The following SLC22A23 variants were observed in gnomAD, a reference collection of about 807,000 sequenced individuals.
SLC22A23 encodes solute carrier family 22 member 23, also known as ion transporter protein.
SLC22A23 carries 26 observed loss-of-function variants against 61.0 expected under a neutral mutation model. The observed-to-expected ratio is 0.43, with a 90% CI of 0.31 to 0.59. The LOEUF is 0.59. Ranked by LOEUF, SLC22A23 falls within the 20% of genes least tolerant of loss-of-function variation. The pLI is 0.11. For synonymous variants in SLC22A23, 430 were observed against 413.9 expected (o/e 1.04, Z -0.47); for missense variants, 796 against 934.7 (o/e 0.85, Z 1.94).
intron 1 of SLC22A23, among the ~76,000 whole-genome samples, chr6:3,418,650 G>A (rs568454452): frequency 5.9e-5 from 9 of 152,314 alleles, no homozygotes; most frequent in Middle Eastern, 3.4e-3. Flanking sequence ...TGGGGAGGGG[G>A]TGCAGGAAAC....
chr6:3,415,950 C>A (rs1769667792), intron 1 of SLC22A23, 95 bp from the exon 2 acceptor site: 1 of 856,076 alleles, frequency 1.2e-6, no homozygotes, highest in Admixed American at 2.2e-5. Flanking sequence ...CTGCAGGGAC[C>A]ACCGCACCGT....
At chr6:3,355,647 A>G (rs1765025505) in intron 3 of SLC22A23, among the ~76,000 whole-genome samples, 1 of 152,076 alleles carries the variant, frequency 6.6e-6, no homozygotes, top group South Asian at 2.1e-4. Flanking sequence ...CCCCACTCCC[A>G]GGCTCCAGAG....
chr6:3,358,426 G>C (rs766456288), intron 3 of SLC22A23, among the ~76,000 whole-genome samples: 7 of 152,152 alleles, frequency 4.6e-5, no homozygotes, highest in Admixed American at 1.3e-4. Flanking sequence ...CGTACGACAC[G>C]TGGATGAACT....
chr6:3,394,561 T>C (rs1401029824), intron 3 of SLC22A23, among the ~76,000 whole-genome samples: 1 of 152,240 alleles, frequency 6.6e-6, no homozygotes, highest in Non-Finnish European at 1.5e-5. Context: ...AGGTTGAATT[T>C]GTGAAACTGC....
intron 3 of SLC22A23, among the ~76,000 whole-genome samples, chr6:3,355,361 G>A (rs9405194): frequency 0.39 from 58,508 of 151,746 alleles, 12,733 homozygotes; most frequent in African/African-American, 0.59. Context: ...CTTAAAAGAC[G>A]GGAGGAAGAC....
chr6:3,451,101 G>A (rs978989238), intron 1 of SLC22A23, among the ~76,000 whole-genome samples: 18 of 152,224 alleles, frequency 1.2e-4, no homozygotes, highest in Admixed American at 2.0e-4. Flanking sequence ...AGTTCAGCTG[G>A]CATTGATTAT....
chr6:3,354,202 G>A (rs1234523786), intron 3 of SLC22A23, among the ~76,000 whole-genome samples: 3 of 152,206 alleles, frequency 2.0e-5, no homozygotes, highest in Non-Finnish European at 2.9e-5. Flanking sequence ...CAAACACATA[G>A]CATGGTGCAC....
intron 3 of SLC22A23, among the ~76,000 whole-genome samples, chr6:3,364,728 C>T (rs532105927): frequency 1.2e-4 from 18 of 152,270 alleles, no homozygotes; most frequent in Admixed American, 3.3e-4. Flanking sequence ...ACAGGAGAAG[C>T]GCAGCATGGA....
At chr6:3,370,463 C>G (rs770911956) in intron 3 of SLC22A23, among the ~76,000 whole-genome samples, 2 of 152,274 alleles carry the variant, frequency 1.3e-5, no homozygotes, top group South Asian at 4.1e-4. Flanking sequence ...GCACTGGAGA[C>G]GAAGCCTCCA....
At chr6:3,446,976 G>A (rs9502007) in intron 1 of SLC22A23, among the ~76,000 whole-genome samples, 102,782 of 151,958 alleles carry the variant, frequency 0.68, 34,968 homozygotes, top group South Asian at 0.77. Flanking sequence ...TTTCTCCTGT[G>A]CACTCAGCAC....
At chr6:3,365,600 G>A (rs916966039) in intron 3 of SLC22A23, among the ~76,000 whole-genome samples, 14 of 152,060 alleles carry the variant, frequency 9.2e-5, no homozygotes, top group Admixed American at 7.2e-4. Context: ...TAGTGTTTCT[G>A]GCAAAGAGCT....
Position 3,308,375 on chromosome 6 carries a change from G to T in SLC22A23, c.1083-10157C>A, listed in dbSNP as rs12110748. On this transcript the variant is annotated intron_variant, in intron 4 of 9. Coordinates refer to ENST00000406686, the MANE Select transcript of SLC22A23 (RefSeq NM_015482.2). This position sits in a 1 kb window ranked among gnomAD's most constrained non-coding sequence, Gnocchi z 5.1. The stretch of plus-strand genomic sequence containing the variant: ...ACACGCACCTGCATCTCCAGGTGCC[G>T]CCTCTGCTATGACACACTGCCCCCA... 0.015 allele frequency among the ~76,000 whole-genome samples: 2,227 copies of T among 152,146 alleles called. 50 individuals carry two copies. Among genetic ancestry groups the T allele is most frequent in the African/African-American group, 0.051 (2,115 of 41,494 alleles).
Position 3,456,173 on chromosome 6 carries a change from G to A in SLC22A23, c.387C>T (p.Arg129=). The A allele has an allele frequency of 1.3e-6, 2 of 1,551,284 alleles. No individual in the cohort carries two copies. Among genetic ancestry groups the A allele is most frequent in the Non-Finnish European group, 1.7e-6 (2 of 1,146,856 alleles). ...CCAGCTCGGTGCCTTTGCCGGCCCC[G>A]CGGCACCAGAAGTTGGGCTGGTCCA... ...FLLDQPNFWC[R]GAGKGTELAG... The change falls in exon 1 of 10, where the codon CGC becomes CGT. Residue 129 remains arginine (R), a synonymous_variant. Transcript: ENST00000406686. The surrounding 1 kb of genome is among the most constrained non-coding windows in gnomAD (Gnocchi z 7.1).
chr6:3,356,879 C>T (rs1765136435), intron 3 of SLC22A23, among the ~76,000 whole-genome samples: 1 of 151,922 alleles, frequency 6.6e-6, no homozygotes, highest in Non-Finnish European at 1.5e-5. Context: ...GGAAATGGCC[C>T]CTTCAAAGGT....
Position 3,318,792 on chromosome 6 carries a change from C to T in SLC22A23, c.1082+5042G>A, listed in dbSNP as rs1037685646. Among the ~76,000 whole-genome samples, 44 of 152,208 alleles carry T rather than the reference C, an allele frequency of 2.9e-4. No homozygotes were observed. Among genetic ancestry groups the T allele is most frequent in the South Asian group, 6.2e-4 (3 of 4,832 alleles). On this transcript the variant is annotated intron_variant, in intron 4 of 9. Coordinates refer to ENST00000406686, the MANE Select transcript of SLC22A23 (RefSeq NM_015482.2). This position sits in a 1 kb window ranked among gnomAD's most constrained non-coding sequence, Gnocchi z 4.3. Reference sequence around the variant, plus strand: ...ACAGTAGGATAGCAGGACAGGACTTCAGCCTCCAGCCCTCCTGAGCTTCCA... The same window carrying T: ...ACAGTAGGATAGCAGGACAGGACTTTAGCCTCCAGCCCTCCTGAGCTTCCA...
intron 3 of SLC22A23, among the ~76,000 whole-genome samples, chr6:3,348,613 C>G (rs1764582903): frequency 6.6e-6 from 1 of 152,196 alleles, no homozygotes; most frequent in Admixed American, 6.5e-5. Context: ...CCACCACATT[C>G]CCGGCACGGA....
At chr6:3,453,035 T>G (rs1000991459) in intron 1 of SLC22A23, among the ~76,000 whole-genome samples, 1 of 152,174 alleles carries the variant, frequency 6.6e-6, no homozygotes, top group African/African-American at 2.4e-5. Flanking sequence ...TAGGTTGCAG[T>G]AGGGGAAGGA....
At chr6:3,392,426 T>C (rs1292077157) in intron 3 of SLC22A23, among the ~76,000 whole-genome samples, 1 of 152,234 alleles carries the variant, frequency 6.6e-6, no homozygotes, top group African/African-American at 2.4e-5. Context: ...GCTAACTATA[T>C]AGACAGATCG....
At chr6:3,396,833 T>C (rs762363966) in intron 3 of SLC22A23, among the ~76,000 whole-genome samples, 38 of 152,148 alleles carry the variant, frequency 2.5e-4, no homozygotes, top group Non-Finnish European at 4.7e-4. Flanking sequence ...GACAACTACT[T>C]CCGCTCAATA....
Sources: gnomAD v4.1 joint callset for allele counts (sites outside exome capture counted in the v4.1 genomes callset) on GRCh38, gnomAD v4.1.1 for gene constraint, Gnocchi (gnomAD v3.1) non-coding constraint, MANE v1.5 for transcripts, NCBI Gene and HGNC (gene_info 2026-07-23, HGNC 2026-07-21) for gene names.